KLHL13: variants seen among roughly 807,000 people sequenced by gnomAD.
KLHL13 encodes kelch like family member 13.
KLHL13 carries 10 observed loss-of-function variants against 37.1 expected under a neutral mutation model. The observed-to-expected ratio is 0.27, with a 90% CI of 0.17 to 0.46. The LOEUF (loss-of-function observed/expected upper bound fraction) is 0.46. Among genes scored for constraint, KLHL13 ranks in the 20% least tolerant of loss-of-function variants. KLHL13 has a pLI of 1.00. For missense variants in KLHL13, 360 were observed against 509.3 expected, an observed-to-expected ratio of 0.71 and a Z score of 2.82; for synonymous variants, 163 against 181.2, an observed-to-expected ratio of 0.90 and a Z score of 0.81.
chrX:117,913,321 G>T (rs999863155), intron 4 of KLHL13, among the ~76,000 whole-genome samples: 5 of 111,572 alleles, frequency 4.5e-5, no homozygotes, highest in African/African-American at 1.6e-4. Flanking sequence ...TGGATAATTG[G>T]ATATCCATAA....
intron 2 of KLHL13, among the ~76,000 whole-genome samples, chrX:117,933,903 G>C (rs1463395189): frequency 1.8e-5 from 2 of 109,924 alleles, no homozygotes; most frequent in Non-Finnish European, 3.8e-5. Flanking sequence ...TAACAGAAGA[G>C]GTACCATCCA....
rs779304347 is a variant in KLHL13, at chrX:118,014,485, G to A, written c.-55-68910C>T. Among the ~76,000 whole-genome samples, 206 of 111,855 alleles carry A rather than the reference G, an allele frequency of 1.8e-3. 1 individual carries two copies. The highest frequency in any genetic ancestry group is 2.8e-3 in the Non-Finnish European group (151 of 53,139). On this transcript the variant is annotated intron_variant, in intron 1 of 6. Coordinates refer to the KLHL13 transcript ENST00000371882. Reference sequence around the variant, plus strand: ...TTTATCAAGACAATGCATGCACAGCGGCACACAGACCCTCATCAGTATTCT... The same window carrying A: ...TTTATCAAGACAATGCATGCACAGCAGCACACAGACCCTCATCAGTATTCT...
At chrX:117,979,340 A>T (rs953336377) in intron 1 of KLHL13, among the ~76,000 whole-genome samples, 1 of 111,948 alleles carries the variant, frequency 8.9e-6, no homozygotes, top group Admixed American at 9.5e-5. Context: ...ATTTATCATC[A>T]TCAGTAGGGG....
chrX:118,057,682 C>T (rs1353678407), intron 1 of KLHL13, among the ~76,000 whole-genome samples: 1 of 110,247 alleles, frequency 9.1e-6, no homozygotes, highest in African/African-American at 3.3e-5. Flanking sequence ...AAAAATTAGT[C>T]GGGTGTGGTG....
intron 1 of KLHL13, among the ~76,000 whole-genome samples, chrX:117,968,837 G>T (rs2147890534): frequency 9.0e-6 from 1 of 111,148 alleles, no homozygotes; most frequent in South Asian, 3.8e-4. Flanking sequence ...GTCAAATTTA[G>T]AAAATTCATA....
intron 2 of KLHL13, among the ~76,000 whole-genome samples, chrX:117,923,821 A>G (rs1221087336): frequency 9.0e-6 from 1 of 111,642 alleles, no homozygotes; most frequent in Non-Finnish European, 1.9e-5. Flanking sequence ...TATTCTTTTC[A>G]CAGATTTTAT....
In KLHL13 at chrX:118,028,422, A is replaced by G. The variant is rs2054297038; in HGVS notation, c.-55-82847T>C. 16 of 1,098,459 alleles carry G rather than the reference A, an allele frequency of 1.5e-5. No individual in the cohort carries two copies. The highest frequency in any genetic ancestry group is 1.8e-5 in the Non-Finnish European group (15 of 822,159). 90.5% of individuals were successfully genotyped at this position (1,098,459 alleles called of 1,213,427 possible). ...TAAGTTAAACTATTTCCATAAATAT[A>G]CCGGTTACGAAGTATTGCAGCAACC... On this transcript the variant is annotated intron_variant, in intron 1 of 6. Coordinates refer to the KLHL13 transcript ENST00000371882.
chrX:117,991,846 ACTCTCTCTCTCTCTCT>A (rs56373597), intron 1 of KLHL13, among the ~76,000 whole-genome samples: 92 of 63,512 alleles, frequency 1.4e-3, no homozygotes, highest in Middle Eastern at 9.9e-3. Flanking sequence ...CTACAGTGAA[ACTCTCTCTCTCTCTCT>A]CTCTCTCTCT....
chrX:118,066,699 C>A (rs757251978), intron 1 of KLHL13, among the ~76,000 whole-genome samples: 5 of 110,775 alleles, frequency 4.5e-5, no homozygotes, highest in Non-Finnish European at 9.5e-5. Flanking sequence ...AATGAAAGGA[C>A]AAACCACAAA....
chrX:118,003,830 AG>A (rs1420777750), intron 1 of KLHL13, among the ~76,000 whole-genome samples: 1 of 110,289 alleles, frequency 9.1e-6, no homozygotes, highest in Non-Finnish European at 1.9e-5. Flanking sequence ...CTTCCTGAAC[AG>A]TTCAATCCAT....
chrX:117,912,220 T>C (rs1245923181), intron 4 of KLHL13, among the ~76,000 whole-genome samples: 2 of 111,899 alleles, frequency 1.8e-5, no homozygotes, highest in East Asian at 5.6e-4. Flanking sequence ...AAGATGTTTA[T>C]TAGTACAGTT....
At chrX:118,108,663 G>C (rs913374001) in intron 1 of KLHL13, among the ~76,000 whole-genome samples, 1 of 112,611 alleles carries the variant, frequency 8.9e-6, no homozygotes, top group Non-Finnish European at 1.9e-5. Flanking sequence ...AATGAAAGCA[G>C]CTTTAAAGTT....
intron 5 of KLHL13, among the ~76,000 whole-genome samples, chrX:117,908,118 G>A: frequency 9.7e-6 from 1 of 102,692 alleles, no homozygotes; most frequent in Non-Finnish European, 2.0e-5. Flanking sequence ...TATTTATTGT[G>A]TTCAAGCAAT....
intron 1 of KLHL13, among the ~76,000 whole-genome samples, chrX:118,002,917 T>C (rs1324759591): frequency 8.9e-6 from 1 of 112,721 alleles, no homozygotes; most frequent in East Asian, 2.8e-4. Flanking sequence ...TTGGTACCTA[T>C]GTCTGTTTGG....
At chrX:117,922,118 T>C (rs1456486366) in intron 2 of KLHL13, among the ~76,000 whole-genome samples, 4 of 111,869 alleles carry the variant, frequency 3.6e-5, no homozygotes, top group Non-Finnish European at 7.5e-5. Flanking sequence ...GCTCATCTTA[T>C]AAAAAGAGAT....
chrX:118,084,533 G>T (rs914012071), intron 1 of KLHL13, among the ~76,000 whole-genome samples: 2 of 111,806 alleles, frequency 1.8e-5, no homozygotes, highest in Middle Eastern at 4.2e-3. Flanking sequence ...GGGCAATGAG[G>T]ATACATTTAT....
chrX:117,901,967 A>G (rs1296582336), intron 5 of KLHL13, 21 bp from the exon 7 acceptor site: 1 of 885,022 alleles, frequency 1.1e-6, no homozygotes, highest in Non-Finnish European at 1.6e-6. Flanking sequence ...AAAAAAGAAA[A>G]GAAAATTATT....
At chrX:117,959,571 A>AT (rs1376189332) in intron 1 of KLHL13, among the ~76,000 whole-genome samples, 1 of 112,068 alleles carries the variant, frequency 8.9e-6, no homozygotes, top group Non-Finnish European at 1.9e-5. Flanking sequence ...GGAAATATAA[A>AT]TTAAGACTGG....
intron 1 of KLHL13, chrX:117,985,447 T>TTAAAAA: frequency 1.6e-6 from 1 of 611,831 alleles, no homozygotes; most frequent in Non-Finnish European, 2.1e-6. Context: ...TTTATATATT[T>TTAAAAA]AAAAAAAAAA....
Sources: allele counts gnomAD v4.1 joint callset (sites outside exome capture counted in the v4.1 genomes callset), GRCh38; gene constraint gnomAD v4.1.1; transcripts MANE v1.5; gene names NCBI Gene and HGNC (gene_info 2026-07-23, HGNC 2026-07-21).